LMX1A: variants seen among roughly 807,000 people sequenced by gnomAD.
LMX1A encodes LIM homeobox transcription factor 1 alpha, also known as LIM homeobox transcription factor 1-alpha.
In LMX1A, 15 loss-of-function variants were observed where a neutral mutation model predicts 49.1. That is an observed-to-expected ratio of 0.31 (90% CI 0.20 to 0.47). The LOEUF (loss-of-function observed/expected upper bound fraction) is 0.47, where lower values mean the gene tolerates loss of function less well. LMX1A is among the 20% of genes least tolerant of loss of function. The pLI is 1.00. For synonymous variants in LMX1A, 167 were observed against 185.7 expected (o/e 0.90, Z 0.82); for missense variants, 372 against 475.8 (o/e 0.78, Z 2.03).
chr1:165,347,710 A>G (rs773440405), intron 3 of LMX1A, among the ~76,000 whole-genome samples: 3 of 152,236 alleles, frequency 2.0e-5, no homozygotes, highest in Non-Finnish European at 4.4e-5. Flanking sequence ...CTTAATAACC[A>G]AGATCATAAC....
intron 3 of LMX1A, among the ~76,000 whole-genome samples, chr1:165,334,310 C>A (rs1016604733): frequency 1.3e-5 from 2 of 152,198 alleles, no homozygotes; most frequent in African/African-American, 4.8e-5. Flanking sequence ...TCTAGCAATA[C>A]AATCACTGCT....
chr1:165,239,978 A>G (rs1652588751), intron 4 of LMX1A, among the ~76,000 whole-genome samples: 1 of 152,188 alleles, frequency 6.6e-6, no homozygotes, highest in Non-Finnish European at 1.5e-5. Flanking sequence ...ATAGGTTTGC[A>G]AGTAATTGTG....
At chr1:165,222,717 T>A (rs1034712579) in intron 4 of LMX1A, among the ~76,000 whole-genome samples, 1 of 152,196 alleles carries the variant, frequency 6.6e-6, no homozygotes, top group Non-Finnish European at 1.5e-5. Flanking sequence ...CCACAGCTGA[T>A]CAGACTGCTT....
At chr1:165,324,374 G>A (rs766497275) in intron 3 of LMX1A, among the ~76,000 whole-genome samples, 6 of 152,308 alleles carry the variant, frequency 3.9e-5, no homozygotes, top group South Asian at 2.1e-4. Flanking sequence ...CTAATTAGAA[G>A]TAAATCTCTA....
intron 3 of LMX1A, among the ~76,000 whole-genome samples, chr1:165,339,602 G>A (rs1656007853): frequency 6.6e-6 from 1 of 152,202 alleles, no homozygotes; most frequent in Admixed American, 6.5e-5. Context: ...GAACGCATTG[G>A]CAAAGCAGCT....
intron 4 of LMX1A, among the ~76,000 whole-genome samples, chr1:165,226,807 G>A (rs928597081): frequency 6.6e-6 from 1 of 152,340 alleles, no homozygotes; most frequent in South Asian, 2.1e-4. Context: ...TAGTTACATA[G>A]ACACTTTATC....
At chr1:165,280,106 C>T (rs1001918648) in intron 3 of LMX1A, among the ~76,000 whole-genome samples, 1 of 152,134 alleles carries the variant, frequency 6.6e-6, no homozygotes, top group African/African-American at 2.4e-5. Context: ...GCTTAACAAA[C>T]CCCCAAACAA....
At chr1:165,252,669 G>T (rs1197110510) in intron 3 of LMX1A, among the ~76,000 whole-genome samples, 1 of 152,192 alleles carries the variant, frequency 6.6e-6, no homozygotes, top group African/African-American at 2.4e-5. Flanking sequence ...TAGCGTACAG[G>T]AGAGAAAGTC....
intron 4 of LMX1A, among the ~76,000 whole-genome samples, chr1:165,231,299 T>TA (rs1199941716): frequency 1.9e-4 from 28 of 148,524 alleles, no homozygotes; most frequent in African/African-American, 2.2e-4. Context: ...TAGTTTTTTT[T>TA]TTTTTATTAT....
chr1:165,247,054 C>CTTTTTTTTTTTTTTTT (rs71097567), intron 4 of LMX1A, among the ~76,000 whole-genome samples: 773 of 53,222 alleles, frequency 0.015, 261 homozygotes, highest in East Asian at 0.025. Context: ...TCAGCTTTTT[C>CTTTTTTTTTTTTTTTT]TTTTTTTTTT....
At chr1:165,292,294 G>A (rs528221551) in intron 3 of LMX1A, among the ~76,000 whole-genome samples, 28 of 152,138 alleles carry the variant, frequency 1.8e-4, no homozygotes, top group African/African-American at 6.0e-4. Flanking sequence ...CATGTCTTTC[G>A]CAGTAGCTCA....
At chr1:165,249,315 G>T in intron 4 of LMX1A, 93 bp downstream of exon 4, 1 of 838,814 alleles carries the variant, frequency 1.2e-6, no homozygotes, top group Non-Finnish European at 2.0e-6. Context: ...GGCTGCCCTG[G>T]AGGCTGGCCA....
At chr1:165,349,194 C>T (rs537212984) in intron 3 of LMX1A, among the ~76,000 whole-genome samples, 11 of 152,316 alleles carry the variant, frequency 7.2e-5, no homozygotes, top group East Asian at 5.8e-4. Flanking sequence ...TTCTAGAGGG[C>T]TTAATTATCT....
At chr1:165,313,302 C>G (rs774314808) in intron 3 of LMX1A, among the ~76,000 whole-genome samples, 5 of 152,132 alleles carry the variant, frequency 3.3e-5, no homozygotes, top group Non-Finnish European at 5.9e-5. Context: ...AATGGCCTAG[C>G]TGATCTGATC....
At chr1:165,271,662 G>A (rs1201950684) in intron 3 of LMX1A, among the ~76,000 whole-genome samples, 2 of 152,090 alleles carry the variant, frequency 1.3e-5, no homozygotes, top group Non-Finnish European at 2.9e-5. Context: ...CAGTCACCAA[G>A]GCTAGAGGAT....
intron 3 of LMX1A, among the ~76,000 whole-genome samples, chr1:165,335,053 C>T (rs568851742): frequency 6.6e-6 from 1 of 152,244 alleles, no homozygotes; most frequent in East Asian, 1.9e-4. Flanking sequence ...ACTGTGTGTT[C>T]AAATTTGAAA....
chr1:165,322,099 G>A (rs1244379965), intron 3 of LMX1A, among the ~76,000 whole-genome samples: 2 of 151,994 alleles, frequency 1.3e-5, no homozygotes, highest in East Asian at 3.9e-4. Context: ...TAGTCTTTAG[G>A]GAAATGCAAA....
chr1:165,263,486 C>A (rs902849752), intron 3 of LMX1A, among the ~76,000 whole-genome samples: 6 of 152,198 alleles, frequency 3.9e-5, no homozygotes, highest in Admixed American at 6.5e-5. Context: ...TGCCAACAAG[C>A]AATTTCTGCT....
chr1:165,322,349 A>T (rs1323926214), intron 3 of LMX1A, among the ~76,000 whole-genome samples: 1 of 152,212 alleles, frequency 6.6e-6, no homozygotes, highest in Non-Finnish European at 1.5e-5. Flanking sequence ...AACTGAAAAT[A>T]GGTGTTCAAA....
Sources: gnomAD v4.1 joint callset for allele counts (sites outside exome capture counted in the v4.1 genomes callset) on GRCh38, gnomAD v4.1.1 for gene constraint, MANE v1.5 for transcripts, NCBI Gene and HGNC (gene_info 2026-07-23, HGNC 2026-07-21) for gene names.